The following KCNJ6 variants were observed in gnomAD, a reference collection of about 807,000 sequenced individuals.
KCNJ6 encodes potassium inwardly rectifying channel subfamily J member 6, also known as G protein-activated inward rectifier potassium channel 2.
A neutral mutation model predicts 34.2 loss-of-function variants in KCNJ6; 9 were observed. That is an observed-to-expected ratio of 0.26 (90% CI 0.16 to 0.46). The LOEUF is 0.46. Ranked by LOEUF, KCNJ6 falls within the 20% of genes least tolerant of loss-of-function variation. The pLI is 1.00. For missense variants in KCNJ6, 236 were observed against 531.3 expected (o/e 0.44, Z 5.46); for synonymous variants, 196 against 207.1 (o/e 0.95, Z 0.46).
At chr21:37,662,400 A>G (rs949997033) in intron 3 of KCNJ6, among the ~76,000 whole-genome samples, 1 of 152,266 alleles carries the variant, frequency 6.6e-6, no homozygotes, top group East Asian at 1.9e-4. Context: ...AATGGCTTCC[A>G]TTATTCCAGC....
At chr21:37,783,165 C>T (rs534608937) in intron 2 of KCNJ6, among the ~76,000 whole-genome samples, 208 of 152,288 alleles carry the variant, frequency 1.4e-3, no homozygotes, top group Non-Finnish European at 2.3e-3. Context: ...CTTCACCCAG[C>T]GATGCTTTCA....
At chr21:37,747,635 A>G (rs2054974049) in intron 2 of KCNJ6, among the ~76,000 whole-genome samples, 1 of 152,090 alleles carries the variant, frequency 6.6e-6, no homozygotes, top group Admixed American at 6.6e-5. Flanking sequence ...AGAGGGAGGC[A>G]GGAGAGGGAG....
intron 3 of KCNJ6, among the ~76,000 whole-genome samples, chr21:37,686,466 T>C (rs1350989863): frequency 3.1e-5 from 3 of 96,560 alleles, no homozygotes; most frequent in African/African-American, 1.0e-4. Context: ...AAGTCTTTTT[T>C]TTTTTTTTTT....
chr21:37,659,823 T>A (rs962022659), intron 3 of KCNJ6, among the ~76,000 whole-genome samples: 1 of 152,256 alleles, frequency 6.6e-6, no homozygotes, highest in African/African-American at 2.4e-5. Context: ...CCCTCTCCAA[T>A]GAGCAGTGAT....
At chr21:37,703,473 T>C (rs999349331) in intron 3 of KCNJ6, among the ~76,000 whole-genome samples, 6 of 152,192 alleles carry the variant, frequency 3.9e-5, no homozygotes, top group Admixed American at 2.0e-4. Flanking sequence ...GGAGATGGTG[T>C]TGAAAGACTG....
In KCNJ6 at chr21:37,623,309, G is replaced by A. The variant is rs893813301; in HGVS notation, c.*1850C>T. Reference sequence around the variant, plus strand: ...CCCAGACTACACCAAAGGCCTGTGCGATCAGGTCAGGGAAGGCAAGGGAAA... The same window carrying A: ...CCCAGACTACACCAAAGGCCTGTGCAATCAGGTCAGGGAAGGCAAGGGAAA... On this transcript the variant is annotated 3_prime_UTR_variant, in exon 4 of 4. Transcript: ENST00000609713. The A allele has an allele frequency of 6.6e-6, 1 of 152,190 alleles. No individual in the cohort carries two copies. The highest frequency in any genetic ancestry group is 1.5e-5 in the Non-Finnish European group (1 of 68,050). The allele number at this position is 152,190 out of a possible 1,614,324, so 9.4% of individuals were successfully genotyped here. A position where few individuals can be genotyped will look rare whatever the true frequency, so the allele number is the denominator to read the frequency against.
chr21:37,651,472 C>T (rs963447230), intron 3 of KCNJ6, among the ~76,000 whole-genome samples: 35 of 152,114 alleles, frequency 2.3e-4, no homozygotes, highest in Admixed American at 2.3e-3. Context: ...AATGAACAAA[C>T]CGAGAGCAAG....
At chr21:37,889,354 C>G (rs576952739) in intron 1 of KCNJ6, among the ~76,000 whole-genome samples, 1 of 151,630 alleles carries the variant, frequency 6.6e-6, no homozygotes, top group Non-Finnish European at 1.5e-5. Context: ...CAATGTTTGA[C>G]AAGCAAGGAG....
chr21:37,806,224 CAGG>C (rs1282728019), intron 2 of KCNJ6, among the ~76,000 whole-genome samples: 2 of 152,132 alleles, frequency 1.3e-5, no homozygotes, highest in South Asian at 4.2e-4. Flanking sequence ...TTGTTTACCC[CAGG>C]TAGATAGCGG....
chr21:37,791,354 A>G (rs2055215977), intron 2 of KCNJ6, among the ~76,000 whole-genome samples: 2 of 152,246 alleles, frequency 1.3e-5, no homozygotes, highest in Non-Finnish European at 1.5e-5. Context: ...AAAGAAAAGC[A>G]CTTTCATCAT....
intron 2 of KCNJ6, among the ~76,000 whole-genome samples, chr21:37,782,314 C>A (rs1292414228): frequency 1.3e-5 from 2 of 152,154 alleles, no homozygotes; most frequent in Admixed American, 1.3e-4. Flanking sequence ...CTGGCAGAAG[C>A]AAAATTTTTG....
intron 1 of KCNJ6, among the ~76,000 whole-genome samples, chr21:37,903,590 A>C (rs2055827020): frequency 6.6e-6 from 1 of 152,180 alleles, no homozygotes; most frequent in Admixed American, 6.5e-5. Flanking sequence ...CAGATGACTC[A>C]ATCAGATTAC....
At chr21:37,853,847 T>TGTGTATATATATATATATATAC (rs1555850321) in intron 1 of KCNJ6, among the ~76,000 whole-genome samples, 2 of 40,148 alleles carry the variant, frequency 5.0e-5, no homozygotes, top group African/African-American at 1.2e-4. Flanking sequence ...TATATATATG[T>TGTGTATATATATATATATATAC]ATATATATAT....
At chr21:37,639,213 C>T (rs796098344) in intron 3 of KCNJ6, among the ~76,000 whole-genome samples, 5 of 152,202 alleles carry the variant, frequency 3.3e-5, no homozygotes, top group Admixed American at 2.0e-4. Context: ...AAAACCCACC[C>T]TCCTTTGATT....
intron 2 of KCNJ6, among the ~76,000 whole-genome samples, chr21:37,826,495 A>C (rs562928665): frequency 2.0e-5 from 3 of 152,260 alleles, no homozygotes; most frequent in African/African-American, 7.2e-5. Context: ...AGTAGTGTTT[A>C]ACTTTTTATG....
At chr21:37,818,453 C>A (rs189852879) in intron 2 of KCNJ6, among the ~76,000 whole-genome samples, 1 of 144,254 alleles carries the variant, frequency 6.9e-6, no homozygotes, top group South Asian at 2.3e-4. Flanking sequence ...AATCAGCTAG[C>A]GGCACCCGAA....
At chr21:37,687,678 C>T (rs2054621709) in intron 3 of KCNJ6, among the ~76,000 whole-genome samples, 1 of 152,160 alleles carries the variant, frequency 6.6e-6, no homozygotes, top group African/African-American at 2.4e-5. Context: ...TTATTTGCTG[C>T]TTTGGTCTCC....
chr21:37,911,272 AT>A (rs1458762179), intron 1 of KCNJ6, among the ~76,000 whole-genome samples: 2 of 151,450 alleles, frequency 1.3e-5, no homozygotes, highest in African/African-American at 2.4e-5. Context: ...GCTACATTTT[AT>A]TCTTCTATCT....
chr21:37,611,774 G>A lies in KCNJ6; in HGVS notation c.*13385C>T, dbSNP rs1365994706. On this transcript the variant is annotated 3_prime_UTR_variant, in exon 4 of 4. Coordinates refer to ENST00000609713, the MANE Select transcript of KCNJ6 (RefSeq NM_002240.5). ...CAACAGATGCAGAAAAATCCAAACA[G>A]TCTTTCATGATAAAAACACTCAGTA... 3 of 151,936 alleles carry A rather than the reference G, an allele frequency of 2.0e-5. No homozygotes were observed. The highest frequency in any genetic ancestry group is 4.4e-5 in the Non-Finnish European group (3 of 67,970). 9.4% of individuals were successfully genotyped at this position (151,936 alleles called of 1,614,324 possible). A position where few individuals can be genotyped will look rare whatever the true frequency, so the allele number is the denominator to read the frequency against.
Sources: gnomAD v4.1 joint callset for allele counts (sites outside exome capture counted in the v4.1 genomes callset) on GRCh38, gnomAD v4.1.1 for gene constraint, MANE v1.5 for transcripts, NCBI Gene and HGNC (gene_info 2026-07-23, HGNC 2026-07-21) for gene names.